The following DLGAP2 variants were observed in gnomAD, a reference collection of about 807,000 sequenced individuals.
DLGAP2 encodes the protein DLG associated protein 2, also known as disks large-associated protein 2.
Under a neutral mutation model 100.3 loss-of-function variants are expected in DLGAP2, and 26 were observed. That is an observed-to-expected ratio of 0.26 (90% confidence interval 0.19 to 0.36). The LOEUF is 0.36. DLGAP2 is among the 10% of genes least tolerant of loss of function. The pLI, the probability that DLGAP2 is intolerant of heterozygous loss-of-function variation, is 1.00. For synonymous variants in DLGAP2, 886 were observed against 630.1 expected (o/e 1.41, Z -6.08); for missense variants, 1,858 against 1,453.2 (o/e 1.28, Z -4.53).
At chr8:813,488 C>G (rs992673859) in intron 1 of DLGAP2, among the ~76,000 whole-genome samples, 1 of 152,160 alleles carries the variant, frequency 6.6e-6, no homozygotes, top group Admixed American at 6.5e-5. Flanking sequence ...AACATGAACT[C>G]TGCTCTTCCA....
chr8:1,704,361 C>G lies in DLGAP2; in HGVS notation c.*2955C>G, dbSNP rs570944020. 6.6e-6 allele frequency: 1 copy of G among 152,012 alleles called. No individual in the cohort carries two copies. The highest frequency in any genetic ancestry group is 2.4e-5 in the African/African-American group (1 of 41,266). 9.4% of individuals were successfully genotyped at this position (152,012 alleles called of 1,614,324 possible). A position where few individuals can be genotyped will look rare whatever the true frequency, so the allele number is the denominator to read the frequency against. On this transcript the variant is annotated 3_prime_UTR_variant, in exon 15 of 15. Coordinates refer to ENST00000637795, the MANE Select transcript of DLGAP2 (RefSeq NM_001346810.2). ...ATGACAGGTGAAACCCAGACACTCT[C>G]CTTAGAGCCGACAGGTTGATCCTGC... is the stretch of plus-strand genomic sequence containing the variant.
At chr8:1,507,216 C>T (rs552771343) in intron 4 of DLGAP2, among the ~76,000 whole-genome samples, 102 of 152,354 alleles carry the variant, frequency 6.7e-4, no homozygotes, top group African/African-American at 2.3e-3. Context: ...GGGCAGCGTC[C>T]ATCAGGGAGG....
At chr8:1,174,472 C>A (rs1285028371) in intron 2 of DLGAP2, among the ~76,000 whole-genome samples, 3 of 151,760 alleles carry the variant, frequency 2.0e-5, no homozygotes, top group Non-Finnish European at 4.4e-5. Flanking sequence ...TCATCATTAC[C>A]ATTACCATCA....
At chr8:795,713 G>GCAGGCGTCCAGTGAGAA (rs1796015229) in intron 1 of DLGAP2, among the ~76,000 whole-genome samples, 1 of 148,158 alleles carries the variant, frequency 6.7e-6, no homozygotes, top group Non-Finnish European at 1.5e-5. Flanking sequence ...TCCAGTGAGA[G>GCAGGCGTCCAGTGAGAA]CAGGCGTCCA....
At chr8:1,435,358 C>A (rs752422221) in intron 3 of DLGAP2, among the ~76,000 whole-genome samples, 1 of 152,166 alleles carries the variant, frequency 6.6e-6, no homozygotes, top group South Asian at 2.1e-4. Flanking sequence ...GCACCGCACA[C>A]GGGTGTTTCA....
chr8:1,306,074 C>CAAAAAAAAA lies in DLGAP2; in HGVS notation c.106+47201_106+47209dup, dbSNP rs61647224. ...AGAAGTCCTAGACAGAGAAATTAGG[C>CAAAAAAAAA]AAAAAAAAAAAAAAAAAAGAGAGAG... On this transcript the variant is annotated intron_variant, in intron 3 of 14. Transcript: ENST00000637795. Among the ~76,000 whole-genome samples the CAAAAAAAAA allele has an allele frequency of 2.5e-3, 287 of 116,310 alleles. 2 individuals carry two copies. Among genetic ancestry groups the CAAAAAAAAA allele is most frequent in the African/African-American group, 7.3e-3 (233 of 32,040 alleles). The allele number at this position is 116,310 out of a possible 152,430, so 76.3% of individuals were successfully genotyped here.
chr8:1,335,802 G>C (rs372328101), intron 3 of DLGAP2, among the ~76,000 whole-genome samples: 15 of 152,226 alleles, frequency 9.9e-5, no homozygotes, highest in African/African-American at 3.1e-4. Flanking sequence ...GTTTATTGTG[G>C]TGCAATAAAA....
At chr8:1,279,378 A>T (rs1047803846) in intron 3 of DLGAP2, among the ~76,000 whole-genome samples, 1 of 152,246 alleles carries the variant, frequency 6.6e-6, no homozygotes, top group African/African-American at 2.4e-5. Flanking sequence ...TGTGGGCATA[A>T]ATATGATGTC....
chr8:778,691 T>C (rs1408757011), intron 1 of DLGAP2, among the ~76,000 whole-genome samples: 5 of 152,240 alleles, frequency 3.3e-5, no homozygotes, highest in Admixed American at 1.3e-4. Flanking sequence ...GGAGGCAGTC[T>C]GCCCCTTCTC....
chr8:1,390,148 A>C (rs1384006803), intron 3 of DLGAP2, among the ~76,000 whole-genome samples: 1 of 152,096 alleles, frequency 6.6e-6, no homozygotes, highest in Non-Finnish European at 1.5e-5. Flanking sequence ...ATCAGTAACT[A>C]AATCGAGGCA....
At chr8:1,152,868 T>A (rs768502462) in intron 2 of DLGAP2, among the ~76,000 whole-genome samples, 17 of 152,180 alleles carry the variant, frequency 1.1e-4, no homozygotes, top group Non-Finnish European at 1.8e-4. Context: ...GCCATTTATC[T>A]TGCACACCAT....
intron 3 of DLGAP2, among the ~76,000 whole-genome samples, chr8:1,451,158 C>T (rs183575998): frequency 4.6e-5 from 7 of 152,216 alleles, no homozygotes; most frequent in East Asian, 3.9e-4. Flanking sequence ...CAGCATGTTC[C>T]GCCGCTGCCA....
At chr8:1,298,200 C>A (rs1014608037) in intron 3 of DLGAP2, among the ~76,000 whole-genome samples, 1 of 152,164 alleles carries the variant, frequency 6.6e-6, no homozygotes, top group Non-Finnish European at 1.5e-5. Context: ...GAACGGACAC[C>A]ACGCGAGATA....
intron 2 of DLGAP2, among the ~76,000 whole-genome samples, chr8:1,182,582 C>T (rs1238618625): frequency 6.6e-6 from 1 of 152,190 alleles, no homozygotes; most frequent in Non-Finnish European, 1.5e-5. Context: ...GCACTTGTGG[C>T]CCTAACAGAA....
At chr8:1,362,175 C>T (rs1406511958) in intron 3 of DLGAP2, among the ~76,000 whole-genome samples, 1 of 152,096 alleles carries the variant, frequency 6.6e-6, no homozygotes, top group Non-Finnish European at 1.5e-5. Flanking sequence ...TCGGCACTGG[C>T]AGGGGAGGGC....
At chr8:889,738 C>T (rs904904501) in intron 1 of DLGAP2, among the ~76,000 whole-genome samples, 72 of 152,330 alleles carry the variant, frequency 4.7e-4, no homozygotes, top group African/African-American at 1.6e-3. Context: ...CTGCCCCTCC[C>T]CAGGGAGTTA....
chr8:839,711 T>A (rs905761954), intron 1 of DLGAP2, among the ~76,000 whole-genome samples: 3 of 152,184 alleles, frequency 2.0e-5, no homozygotes, highest in African/African-American at 7.2e-5. Flanking sequence ...CCACCCTAAG[T>A]GCCCCTGTCC....
At chr8:1,260,102 G>C (rs562233859) in intron 3 of DLGAP2, among the ~76,000 whole-genome samples, 1 of 152,300 alleles carries the variant, frequency 6.6e-6, no homozygotes, top group African/African-American at 2.4e-5. Flanking sequence ...GCTGGTCTGG[G>C]TGTGGCAGAG....
chr8:1,074,550 G>A (rs1803543346), intron 2 of DLGAP2, among the ~76,000 whole-genome samples: 1 of 152,208 alleles, frequency 6.6e-6, no homozygotes, highest in African/African-American at 2.4e-5. Flanking sequence ...GGCTGCCCTG[G>A]CTCAGGGGCT....
Sources: allele counts gnomAD v4.1 joint callset (sites outside exome capture counted in the v4.1 genomes callset), GRCh38; gene constraint gnomAD v4.1.1; transcripts MANE v1.5; gene names NCBI Gene and HGNC (gene_info 2026-07-23, HGNC 2026-07-21).